The following SYNPO2 variants were observed in gnomAD, a reference collection of about 807,000 sequenced individuals.
SYNPO2 encodes synaptopodin 2, also known as synaptopodin-2.
Under a neutral mutation model 85.0 loss-of-function variants are expected in SYNPO2, and 56 were observed. That is an observed-to-expected ratio of 0.66 (90% CI 0.53 to 0.82). The LOEUF (loss-of-function observed/expected upper bound fraction) is 0.82. Among genes scored for constraint, SYNPO2 ranks in the 40% least tolerant of loss-of-function variants. The probability of loss-of-function intolerance (pLI) is 0.00; values close to 1 mark genes in which losing one functional copy is unlikely to be tolerated. For missense variants in SYNPO2, 1,575 were observed against 1,534.2 expected (o/e 1.03, Z -0.44); for synonymous variants, 602 against 591.1 (o/e 1.02, Z -0.27).
chr4:118,931,496 T>G (rs1199902124), intron 1 of SYNPO2, among the ~76,000 whole-genome samples: 1 of 152,222 alleles, frequency 6.6e-6, no homozygotes, highest in African/African-American at 2.4e-5. Flanking sequence ...CATGATGTGC[T>G]CCCAAGGAGC....
rs147665056 is a variant in SYNPO2, at chr4:119,053,395, A to G, written c.3253-4006A>G. ...AAAATGGTTTATCATCTTATCCTCT[A>G]TTACTAGCACTTGAAAGAATGTGAA... On this transcript the variant is annotated intron_variant, in intron 4 of 4. Coordinates refer to ENST00000307142, the MANE Select transcript of SYNPO2 (RefSeq NM_133477.3). Among the ~76,000 whole-genome samples the G allele has an allele frequency of 4.9e-4, 74 of 152,318 alleles. 1 individual carries two copies. Among genetic ancestry groups the G allele is most frequent in the African/African-American group, 1.6e-3 (67 of 41,560 alleles).
At chr4:118,910,042 T>C (rs115403263) in intron 1 of SYNPO2, among the ~76,000 whole-genome samples, 2,351 of 152,348 alleles carry the variant, frequency 0.015, 28 homozygotes, top group Non-Finnish European at 0.021. Context: ...ACGTCTATTT[T>C]ACTATGACCT....
chr4:119,056,875 C>T lies in SYNPO2; in HGVS notation c.3253-526C>T, dbSNP rs114375885. On this transcript the variant is annotated intron_variant, in intron 4 of 4. Coordinates refer to ENST00000307142, the MANE Select transcript of SYNPO2 (RefSeq NM_133477.3). ...GGTTTGTTTTTGCTATATTCATTCA[C>T]TAGACCAACATTAGATAACAGATTA... Among the ~76,000 whole-genome samples, 274 of 152,250 alleles carry T rather than the reference C, an allele frequency of 1.8e-3. 1 individual carries two copies. The highest frequency in any genetic ancestry group is 6.5e-3 in the African/African-American group (272 of 41,540).
intron 1 of SYNPO2, among the ~76,000 whole-genome samples, chr4:118,896,346 C>T (rs1308041481): frequency 6.6e-6 from 1 of 152,106 alleles, no homozygotes; most frequent in East Asian, 1.9e-4. Context: ...AACCAGTCTG[C>T]TTATCAATAA....
chr4:119,049,070 C>T (rs1204856444), intron 4 of SYNPO2, among the ~76,000 whole-genome samples: 1 of 152,048 alleles, frequency 6.6e-6, no homozygotes, highest in Non-Finnish European at 1.5e-5. Flanking sequence ...AGGATGCTAC[C>T]AGTGGAGGTT....
chr4:119,051,870 A>G (rs1739060922), intron 4 of SYNPO2, among the ~76,000 whole-genome samples: 1 of 152,182 alleles, frequency 6.6e-6, no homozygotes. Flanking sequence ...GACTTCCACA[A>G]TTCTTGAAAC....
In SYNPO2 at chr4:118,892,673, G is replaced by GA. The variant is rs548628538; in HGVS notation, c.105+3539dup. ...TTACTCACATTTTGAAAATAATTAA[G>GA]AAAAAAATGTTCAGACTGTTTATCC... On this transcript the variant is annotated intron_variant, in intron 1 of 4. Coordinates refer to ENST00000307142, the MANE Select transcript of SYNPO2 (RefSeq NM_133477.3). Among the ~76,000 whole-genome samples, 140 of 151,960 alleles carry GA rather than the reference G, an allele frequency of 9.2e-4. 1 individual carries two copies. Among genetic ancestry groups the GA allele is most frequent in the African/African-American group, 3.2e-3 (132 of 41,498 alleles).
chr4:118,901,836 C>G (rs1173696510), intron 1 of SYNPO2, among the ~76,000 whole-genome samples: 1 of 152,146 alleles, frequency 6.6e-6, no homozygotes, highest in Non-Finnish European at 1.5e-5. Flanking sequence ...CCAGACTGGA[C>G]CAGGATACCA....
At chr4:119,004,403 T>A (rs1387331334) in intron 1 of SYNPO2, among the ~76,000 whole-genome samples, 3 of 138,234 alleles carry the variant, frequency 2.2e-5, no homozygotes, top group Non-Finnish European at 4.7e-5. Context: ...CAGTCCCCGG[T>A]GTGTGATGTT....
intron 1 of SYNPO2, among the ~76,000 whole-genome samples, chr4:118,970,905 CAG>C (rs1735516244): frequency 6.6e-6 from 1 of 152,158 alleles, no homozygotes; most frequent in Admixed American, 6.5e-5. Flanking sequence ...TAGTTTTTCT[CAG>C]AGAAATGTCA....
At chr4:118,994,750 C>A (rs1017659666) in intron 1 of SYNPO2, among the ~76,000 whole-genome samples, 26 of 152,164 alleles carry the variant, frequency 1.7e-4, no homozygotes, top group African/African-American at 6.0e-4. Context: ...ACATCTTGGA[C>A]ATCTAAAGTT....
intron 1 of SYNPO2, among the ~76,000 whole-genome samples, chr4:118,898,473 T>A (rs949876280): frequency 6.6e-6 from 1 of 152,188 alleles, no homozygotes; most frequent in Non-Finnish European, 1.5e-5. Context: ...CTTCAAAGGC[T>A]CCCCATCACT....
rs60067505 is a variant in SYNPO2, at chr4:119,055,157, A to ATT, written c.3253-2233_3253-2232dup. ...CTTGTTTCTTATTATTTATTTATTTATTTTTTTTTTTTGAGACAGAGTCTT... is the reference window on the plus strand; with the variant it reads ...CTTGTTTCTTATTATTTATTTATTTATTTTTTTTTTTTTTGAGACAGAGTCTT... On this transcript the variant is annotated intron_variant, in intron 4 of 4. Transcript: ENST00000307142. 5.5e-3 allele frequency among the ~76,000 whole-genome samples: 711 copies of ATT among 129,480 alleles called. 5 individuals are homozygous for ATT. The highest frequency in any genetic ancestry group is 0.025 in the African/African-American group (666 of 26,618). The allele number at this position is 129,480 out of a possible 152,430, so 84.9% of individuals were successfully genotyped here. A position where few individuals can be genotyped will look rare whatever the true frequency, so the allele number is the denominator to read the frequency against.
intron 1 of SYNPO2, among the ~76,000 whole-genome samples, chr4:118,859,321 C>G (rs1448784883): frequency 6.6e-6 from 1 of 152,052 alleles, no homozygotes. Context: ...TTATGGGTTA[C>G]ATGAGATATT....
intron 1 of SYNPO2, among the ~76,000 whole-genome samples, chr4:118,893,961 T>C (rs2149115229): frequency 6.6e-6 from 1 of 151,936 alleles, no homozygotes; most frequent in East Asian, 1.9e-4. Context: ...CTACATCACG[T>C]TGTACCCCAT....
At chr4:118,900,778 T>TCTAC (rs1233687472) in intron 1 of SYNPO2, among the ~76,000 whole-genome samples, 1 of 147,104 alleles carries the variant, frequency 6.8e-6, no homozygotes, top group Non-Finnish European at 1.5e-5. Context: ...TATCTATCTA[T>TCTAC]CTATCTATAG....
chr4:119,053,615 A>G (rs963542420), intron 4 of SYNPO2, among the ~76,000 whole-genome samples: 4 of 152,166 alleles, frequency 2.6e-5, no homozygotes, highest in African/African-American at 4.8e-5. Flanking sequence ...CCATACCTCA[A>G]TATTTTAGTT....
At chr4:118,851,948 G>T (rs539644987) in intron 1 of SYNPO2, among the ~76,000 whole-genome samples, 2 of 152,260 alleles carry the variant, frequency 1.3e-5, no homozygotes, top group East Asian at 3.9e-4. Context: ...CTCAGCAAGA[G>T]TTTTTTTTTT....
At chr4:118,961,109 C>CCA (rs1553941441) in intron 1 of SYNPO2, among the ~76,000 whole-genome samples, 2 of 121,172 alleles carry the variant, frequency 1.7e-5, no homozygotes, top group East Asian at 2.8e-4. Flanking sequence ...GCCCCCCCCC[C>CCA]ACCCCTCCAG....
Sources: gnomAD v4.1 joint callset for allele counts (sites outside exome capture counted in the v4.1 genomes callset) on GRCh38, gnomAD v4.1.1 for gene constraint, MANE v1.5 for transcripts, NCBI Gene and HGNC (gene_info 2026-07-23, HGNC 2026-07-21) for gene names.